GSTA5: variants seen among roughly 807,000 people sequenced by gnomAD.
GSTA5 encodes glutathione S-transferase A5.
A neutral mutation model predicts 21.8 loss-of-function variants in GSTA5; 25 were observed. The ratio of observed to expected loss-of-function variants is 1.14; its 90% confidence interval spans 0.83 to 1.60. The LOEUF (loss-of-function observed/expected upper bound fraction) is 1.60, where lower values mean the gene tolerates loss of function less well. Among genes scored for constraint, GSTA5 ranks in the 40% most tolerant of loss-of-function variants. The pLI is 0.00. For synonymous variants in GSTA5, 102 were observed against 89.5 expected, an observed-to-expected ratio of 1.14 and a Z score of -0.78; for missense variants, 330 against 259.2, an observed-to-expected ratio of 1.27 and a Z score of -1.88.
chr6:52,832,903 C>T, exon 5 of GSTA5: 1 of 1,614,112 alleles, frequency 6.2e-7, no homozygotes, highest in Non-Finnish European at 8.5e-7. Flanking sequence ...TCAAGCTCTT[C>T]CACGTAGTAG....
At chr6:52,843,052 T>G (rs1294787003), upstream of GSTA5, among the ~76,000 whole-genome samples, 1 of 152,198 alleles carries the variant, frequency 6.6e-6, no homozygotes, top group Admixed American at 6.5e-5. Context: ...GTTTCCAGCA[T>G]CATCCATGTC....
rs73439325 is a variant in GSTA5 at position 52,831,993 on chromosome 6, T to G, written c.547-23A>C. 7,635 of 1,599,188 alleles carry G rather than the reference T, an allele frequency of 4.8e-3. 253 individuals are homozygous for G. In the African/African-American group the frequency reaches 0.081, roughly 17 times the overall value. ...GGCCTGTAATCCACAAAGCACAGCC[T>G]CAGAGTGAAGCCAAGGCCGGCCACC... On this transcript the variant is annotated intron_variant, in intron 5 of 5. Coordinates refer to ENST00000370989, the Ensembl canonical transcript of GSTA5.
chr6:52,837,639 C>G (rs1427529761), intron 1 of GSTA5, 30 bp from the exon 2 acceptor site: 2 of 1,511,602 alleles, frequency 1.3e-6, no homozygotes, highest in East Asian at 4.5e-5. Context: ...ATGGGTTCTT[C>G]TTAGTTAATT....
intron 1 of GSTA5, among the ~76,000 whole-genome samples, chr6:52,839,043 A>G (rs547719327): frequency 2.0e-5 from 3 of 152,160 alleles, no homozygotes; most frequent in Non-Finnish European, 2.9e-5. Context: ...TGGATCTATG[A>G]TCACACAGGA....
intron 5 of GSTA5, 51 bp from the exon 6 acceptor site, chr6:52,832,021 CATT>C (rs1379980547): frequency 1.3e-6 from 2 of 1,572,744 alleles, no homozygotes; most frequent in Admixed American, 2.0e-5. Context: ...CGGCCACCAT[CATT>C]AAGATGACCC....
At chr6:52,840,653 C>A in intron 1 of GSTA5, 74 bp downstream of exon 1, 2 of 1,307,068 alleles carry the variant, frequency 1.5e-6, no homozygotes, top group Non-Finnish European at 2.2e-6. Flanking sequence ...GTAATCATTG[C>A]ATAGTTTCTG....
At chr6:52,832,863 A>G in exon 5 of GSTA5, 1 of 1,613,912 alleles carries the variant, frequency 6.2e-7, no homozygotes, top group Non-Finnish European at 8.5e-7. Context: ...GGTCACCTTC[A>G]GCAGAGGGAA....
At chr6:52,840,451 G>A (rs548744591) in intron 1 of GSTA5, among the ~76,000 whole-genome samples, 244 of 152,202 alleles carry the variant, frequency 1.6e-3, no homozygotes, top group African/African-American at 5.5e-3. Flanking sequence ...AGTTTCTAAT[G>A]CCATAAATTA....
chr6:52,836,459 G>A, intron 2 of GSTA5, 91 bp from the exon 3 acceptor site: 1 of 1,318,186 alleles, frequency 7.6e-7, no homozygotes, highest in Non-Finnish European at 1.0e-6. Context: ...GACTAAATTT[G>A]TGAAATGAAA....
At chr6:52,842,879 C>T (rs1764400466), upstream of GSTA5, among the ~76,000 whole-genome samples, 3 of 152,124 alleles carry the variant, frequency 2.0e-5, no homozygotes, top group Non-Finnish European at 2.9e-5. Context: ...TTAGGTATTT[C>T]TCCTAATGCT....
At chr6:52,839,283 TG>T (rs1260548754) in intron 1 of GSTA5, among the ~76,000 whole-genome samples, 6 of 152,180 alleles carry the variant, frequency 3.9e-5, no homozygotes, top group Admixed American at 3.9e-4. Context: ...TCAGGCTGGA[TG>T]GAGACCTGGG....
intron 3 of GSTA5, among the ~76,000 whole-genome samples, chr6:52,834,579 G>A (rs1385065224): frequency 6.6e-6 from 1 of 152,082 alleles, no homozygotes; most frequent in Non-Finnish European, 1.5e-5. Flanking sequence ...TCACAGTCAT[G>A]AGAGAAATTG....
chr6:52,835,328 T>C (rs1334252356), intron 3 of GSTA5, among the ~76,000 whole-genome samples: 1 of 152,242 alleles, frequency 6.6e-6, no homozygotes, highest in Non-Finnish European at 1.5e-5. Context: ...TTTAACCATC[T>C]TGTAGCATGC....
chr6:52,843,231 T>C (rs1426854741), upstream of GSTA5, among the ~76,000 whole-genome samples: 1 of 152,192 alleles, frequency 6.6e-6, no homozygotes, highest in East Asian at 1.9e-4. Flanking sequence ...TGTGTCTTTG[T>C]GGTAGAATGA....
rs181788476 is a variant in GSTA5, at chr6:52,834,134, C to G, written c.414+7G>C. On this transcript the variant is annotated splice_region_variant and intron_variant, in intron 4 of 5. Transcript: ENST00000370989. ...AGTTCCCCTAAACATTGAACAGCTTCACTTACTTTTTCAAAGGCAGGGAAG... is the reference window on the plus strand; with the variant it reads ...AGTTCCCCTAAACATTGAACAGCTTGACTTACTTTTTCAAAGGCAGGGAAG... 9.9e-4 allele frequency: 1,603 copies of G among 1,614,132 alleles called. 14 individuals are homozygous for G. Among genetic ancestry groups the G allele is most frequent in the East Asian group, 7.4e-3 (334 of 44,882 alleles).
intron 4 of GSTA5, 54 bp from the exon 5 acceptor site, chr6:52,833,044 C>T (rs1206005213): frequency 1.9e-6 from 3 of 1,605,012 alleles, no homozygotes; most frequent in African/African-American, 2.7e-5. Flanking sequence ...GGCTGGGACC[C>T]CTGCTTCTTT....
exon 5 of GSTA5, chr6:52,832,933 T>C: frequency 3.1e-6 from 5 of 1,614,140 alleles, no homozygotes; most frequent in Non-Finnish European, 4.2e-6. Context: ...ACCAGGTGAA[T>C]GTCAGCCCAG....
At chr6:52,843,536 CATAA>C (rs1442590764), upstream of GSTA5, among the ~76,000 whole-genome samples, 5 of 152,138 alleles carry the variant, frequency 3.3e-5, no homozygotes, top group East Asian at 1.9e-4. Flanking sequence ...TTGTTGGCTG[CATAA>C]ATAGACATCA....
chr6:52,832,091 C>T (rs1363732957), intron 5 of GSTA5, 121 bp from the exon 6 acceptor site: 10 of 1,377,998 alleles, frequency 7.3e-6, no homozygotes, highest in South Asian at 3.1e-5. Context: ...TGAGTACCAG[C>T]ATGGAGGCAG....
Sources: gnomAD v4.1 joint callset for allele counts (sites outside exome capture counted in the v4.1 genomes callset) on GRCh38, gnomAD v4.1.1 for gene constraint, MANE v1.5 for transcripts, NCBI Gene and HGNC (gene_info 2026-07-23, HGNC 2026-07-21) for gene names.